Variants in TINAG observed in about 807,000 individuals in gnomAD.
TINAG encodes tubulointerstitial nephritis antigen.
TINAG carries 83 observed loss-of-function variants against 72.7 expected under a neutral mutation model. The observed-to-expected ratio is 1.14, with a 90% CI of 0.96 to 1.37. The LOEUF (loss-of-function observed/expected upper bound fraction) is 1.37, where lower values mean the gene tolerates loss of function less well. TINAG is among the 40% of genes most tolerant of loss of function. The pLI, the probability that TINAG is intolerant of heterozygous loss-of-function variation, is 0.00. For missense variants in TINAG, 685 were observed against 576.6 expected, an observed-to-expected ratio of 1.19 and a Z score of -1.93; for synonymous variants, 234 against 189.9, an observed-to-expected ratio of 1.23 and a Z score of -1.91.
At chr6:54,341,929 A>G (rs1000722196) in intron 4 of TINAG, among the ~76,000 whole-genome samples, 1 of 152,182 alleles carries the variant, frequency 6.6e-6, no homozygotes, top group African/African-American at 2.4e-5. Context: ...TAGTTTTCTC[A>G]TTCATAAAAA....
chr6:54,336,456 G>A (rs1784867413), intron 4 of TINAG, among the ~76,000 whole-genome samples: 1 of 152,034 alleles, frequency 6.6e-6, no homozygotes, highest in African/African-American at 2.4e-5. Context: ...AGAGTTCTAT[G>A]ATGCTCTTAT....
chr6:54,313,990 T>A (rs1784316735), intron 1 of TINAG, among the ~76,000 whole-genome samples: 1 of 152,144 alleles, frequency 6.6e-6, no homozygotes, highest in African/African-American at 2.4e-5. Context: ...AAGGGTATTA[T>A]AAAGTCCCAG....
At chr6:54,357,976 C>T (rs1457602020) in intron 9 of TINAG, among the ~76,000 whole-genome samples, 1 of 151,866 alleles carries the variant, frequency 6.6e-6, no homozygotes, top group Non-Finnish European at 1.5e-5. Context: ...TTCTCGCCGA[C>T]TCCCACTCCC....
At chr6:54,332,095 T>C (rs1784756091) in intron 4 of TINAG, among the ~76,000 whole-genome samples, 1 of 152,198 alleles carries the variant, frequency 6.6e-6, no homozygotes. Flanking sequence ...ATGGACTTTC[T>C]TCACAGAATT....
At chr6:54,317,479 C>T (rs1248316494) in intron 1 of TINAG, among the ~76,000 whole-genome samples, 1 of 152,090 alleles carries the variant, frequency 6.6e-6, no homozygotes, top group African/African-American at 2.4e-5. Context: ...TTGCCCTGTA[C>T]AAGCTCTCTC....
At chr6:54,362,464 T>C in intron 9 of TINAG, among the ~76,000 whole-genome samples, 1 of 151,570 alleles carries the variant, frequency 6.6e-6, no homozygotes, top group Non-Finnish European at 1.5e-5. Context: ...ACTGTTGAGA[T>C]CTGCTACTCA....
At chr6:54,348,376 C>A (rs1785176541) in intron 6 of TINAG, among the ~76,000 whole-genome samples, 1 of 152,076 alleles carries the variant, frequency 6.6e-6, no homozygotes, top group Admixed American at 6.6e-5. Context: ...AAAATAACAG[C>A]CCTTTAAGAA....
chr6:54,319,385 G>T (rs1470756532), intron 1 of TINAG, among the ~76,000 whole-genome samples: 3 of 152,126 alleles, frequency 2.0e-5, no homozygotes, highest in Non-Finnish European at 4.4e-5. Context: ...TTGATGTGAA[G>T]TTCAGTCTTC....
At chr6:54,332,701 A>T (rs541822725) in intron 4 of TINAG, among the ~76,000 whole-genome samples, 204 of 152,300 alleles carry the variant, frequency 1.3e-3, no homozygotes, top group African/African-American at 4.3e-3. Flanking sequence ...ATGGGAGAAA[A>T]TTTTTGCAGT....
chr6:54,389,427 A>C (rs1764184017), intron 10 of TINAG, among the ~76,000 whole-genome samples: 1 of 152,156 alleles, frequency 6.6e-6, no homozygotes, highest in Non-Finnish European at 1.5e-5. Context: ...AACATAAGAT[A>C]ATGTATTATT....
chr6:54,371,832 A>G (rs925395859), intron 9 of TINAG, among the ~76,000 whole-genome samples: 22 of 152,192 alleles, frequency 1.4e-4, no homozygotes, highest in Admixed American at 3.9e-4. Context: ...GTTGGGAAAT[A>G]CCAAGGACAG....
At chr6:54,358,788 C>G (rs1165692714) in intron 9 of TINAG, among the ~76,000 whole-genome samples, 1 of 151,814 alleles carries the variant, frequency 6.6e-6, no homozygotes, top group Non-Finnish European at 1.5e-5. Flanking sequence ...AAGGGCTGGC[C>G]TGGACTTTGG....
intron 7 of TINAG, among the ~76,000 whole-genome samples, chr6:54,351,033 G>C (rs1042800681): frequency 6.6e-6 from 1 of 151,784 alleles, no homozygotes; most frequent in African/African-American, 2.4e-5. Flanking sequence ...AATCATTTGG[G>C]ATATCTCTTG....
At chr6:54,351,443 A>G in intron 8 of TINAG, 46 bp downstream of exon 8, 1 of 1,562,120 alleles carries the variant, frequency 6.4e-7, no homozygotes. Flanking sequence ...TTCCTTTAAT[A>G]AACAACATTA....
intron 8 of TINAG, 107 bp downstream of exon 8, chr6:54,351,504 TAA>T (rs2150961053): frequency 1.9e-6 from 2 of 1,036,040 alleles, no homozygotes; most frequent in East Asian, 5.3e-5. Context: ...ATTTTTACTT[TAA>T]GAGTATCCAA....
At chr6:54,320,337 T>C (rs1190075560) in intron 1 of TINAG, among the ~76,000 whole-genome samples, 1 of 152,106 alleles carries the variant, frequency 6.6e-6, no homozygotes, top group Non-Finnish European at 1.5e-5. Context: ...TGTTTTCATG[T>C]TTTGCAAATC....
Position 54,390,020 on chromosome 6 carries a change from C to A in TINAG, c.*95C>A. The stretch of plus-strand genomic sequence containing the variant: ...TTCTTGGTGACAGTGGAATCTTTGT[C>A]TCTTCACCGTGTTAACATAATCTAT... On this transcript the variant is annotated 3_prime_UTR_variant, in exon 11 of 11. Transcript: ENST00000259782. 1.3e-6 allele frequency: 2 copies of A among 1,486,772 alleles called. No homozygotes were observed. The highest frequency in any genetic ancestry group is 1.2e-5 in the South Asian group (1 of 80,536). 92.1% of individuals were successfully genotyped at this position (1,486,772 alleles called of 1,614,324 possible). A position where few individuals can be genotyped will look rare whatever the true frequency, so the allele number is the denominator to read the frequency against.
intron 5 of TINAG, among the ~76,000 whole-genome samples, chr6:54,346,404 A>C (rs369733265): frequency 2.6e-5 from 4 of 151,760 alleles, no homozygotes; most frequent in East Asian, 3.9e-4. Flanking sequence ...TTTAATAATA[A>C]AAAGTTTGTG....
In TINAG at chr6:54,325,954, C is replaced by T. The variant is rs147304974; in HGVS notation, c.510-848C>T. On this transcript the variant is annotated intron_variant, in intron 3 of 10. Coordinates refer to ENST00000259782, the MANE Select transcript of TINAG (RefSeq NM_014464.4). ...TCATAAGAGCCTATCACATTATAAA[C>T]GATTTTGGTGATAAACATAGCAGGA... 3.5e-3 allele frequency among the ~76,000 whole-genome samples: 534 copies of T among 152,156 alleles called. 4 individuals carry two copies. Among genetic ancestry groups the T allele is most frequent in the African/African-American group, 0.011 (477 of 41,522 alleles).
Sources: gnomAD v4.1 joint callset for allele counts (sites outside exome capture counted in the v4.1 genomes callset) on GRCh38, gnomAD v4.1.1 for gene constraint, MANE v1.5 for transcripts, NCBI Gene and HGNC (gene_info 2026-07-23, HGNC 2026-07-21) for gene names.